CNTNAP2: variants seen among roughly 807,000 people sequenced by gnomAD.
The protein encoded by CNTNAP2 is contactin-associated protein-like 2.
A neutral mutation model predicts 155.2 loss-of-function variants in CNTNAP2; 98 were observed. The observed-to-expected ratio is 0.63, with a 90% CI of 0.54 to 0.75. The LOEUF is 0.75. CNTNAP2 is among the 30% of genes least tolerant of loss of function. The probability of loss-of-function intolerance (pLI) is 0.00; values close to 1 mark genes in which losing one functional copy is unlikely to be tolerated. For synonymous variants in CNTNAP2, 651 were observed against 631.2 expected (o/e 1.03, Z -0.47); for missense variants, 1,727 against 1,688.1 (o/e 1.02, Z -0.40).
chr7:147,120,470 AC>A (rs1249154375), intron 5 of CNTNAP2, among the ~76,000 whole-genome samples: 1 of 152,108 alleles, frequency 6.6e-6, no homozygotes, highest in Non-Finnish European at 1.5e-5. Flanking sequence ...TAACAAACCT[AC>A]CAAAATTTAG....
At position 147,189,108 on chromosome 7, in the gene CNTNAP2, C is replaced by A. The variant is rs1584781054; in HGVS notation, c.1348+56599C>A. 2.6e-5 allele frequency among the ~76,000 whole-genome samples: 4 copies of A among 152,024 alleles called. No individual in the cohort carries two copies. The South Asian group carries it at 6.2e-4, about 24-fold the overall frequency. On this transcript the variant is annotated intron_variant, in intron 8 of 23. Coordinates refer to ENST00000361727, the MANE Select transcript of CNTNAP2 (RefSeq NM_014141.6). The stretch of plus-strand genomic sequence containing the variant: ...CTTTTTTCCTTTTATTTATTAAATT[C>A]TTTTACTATTACATGTTATTTTCCA...
In CNTNAP2 at chr7:147,785,464, G is replaced by A. The variant is rs576835487; in HGVS notation, c.2099-118101G>A. On this transcript the variant is annotated intron_variant, in intron 13 of 23. Coordinates refer to ENST00000361727, the MANE Select transcript of CNTNAP2 (RefSeq NM_014141.6). ...TTACTATTTGGTAGAATAATAGGTG[G>A]GAAAGCCAGAACAAAGTAGGTTGAA... is the stretch of plus-strand genomic sequence containing the variant. Among the ~76,000 whole-genome samples, 3 of 152,120 alleles carry A rather than the reference G, an allele frequency of 2.0e-5. No individual in the cohort carries two copies. In the East Asian group the frequency reaches 5.8e-4, roughly 29 times the overall value.
At chr7:146,975,242 A>T (rs1797886766) in intron 3 of CNTNAP2, among the ~76,000 whole-genome samples, 1 of 152,056 alleles carries the variant, frequency 6.6e-6, no homozygotes, top group African/African-American at 2.4e-5. Context: ...AGGTGGATGG[A>T]TCACCTGAAG....
At chr7:146,222,210 T>C (rs1414377556) in intron 1 of CNTNAP2, among the ~76,000 whole-genome samples, 1 of 152,156 alleles carries the variant, frequency 6.6e-6, no homozygotes, top group African/African-American at 2.4e-5. Context: ...CCTCTGGGGA[T>C]ACAATACAGG....
chr7:146,791,437 A>G (rs866567142), intron 2 of CNTNAP2, among the ~76,000 whole-genome samples: 1 of 152,174 alleles, frequency 6.6e-6, no homozygotes, highest in African/African-American at 2.4e-5. Context: ...ATGATTTATA[A>G]TCCTTTGGGT....
chr7:146,811,977 A>T (rs1010720923), intron 2 of CNTNAP2, among the ~76,000 whole-genome samples: 3 of 152,106 alleles, frequency 2.0e-5, no homozygotes, highest in Admixed American at 6.6e-5. Flanking sequence ...AGGCAATTAA[A>T]CCTCTTTCCT....
At chr7:146,396,042 G>A (rs1349823983) in intron 1 of CNTNAP2, among the ~76,000 whole-genome samples, 1 of 152,024 alleles carries the variant, frequency 6.6e-6, no homozygotes, top group African/African-American at 2.4e-5. Flanking sequence ...CAGCATAAAT[G>A]CTCAATATCT....
At chr7:147,968,262 A>G (rs1801260279) in intron 14 of CNTNAP2, among the ~76,000 whole-genome samples, 1 of 152,230 alleles carries the variant, frequency 6.6e-6, no homozygotes, top group Non-Finnish European at 1.5e-5. Flanking sequence ...GAGAAGTCTA[A>G]ATTGAACAGA....
At chr7:146,736,479 T>C (rs566194588) in intron 1 of CNTNAP2, among the ~76,000 whole-genome samples, 2 of 152,284 alleles carry the variant, frequency 1.3e-5, no homozygotes, top group South Asian at 4.1e-4. Context: ...TACCTGAACA[T>C]TGAAAACCTA....
chr7:146,974,339 G>A (rs1797863779), intron 3 of CNTNAP2, among the ~76,000 whole-genome samples: 1 of 152,042 alleles, frequency 6.6e-6, no homozygotes, highest in African/African-American at 2.4e-5. Flanking sequence ...TCAGGAGGCT[G>A]AGGCAGGAGA....
In CNTNAP2 at chr7:147,047,797, C is replaced by A. The variant is rs982302150; in HGVS notation, c.550+3743C>A. On this transcript the variant is annotated intron_variant, in intron 4 of 23. Coordinates refer to ENST00000361727, the MANE Select transcript of CNTNAP2 (RefSeq NM_014141.6). ...ATTACAAGACAAGAAGGAAAAATAA[C>A]TGAAGCAAATCAGGAAGCGAGACTT... is the stretch of plus-strand genomic sequence containing the variant. 2.0e-5 allele frequency among the ~76,000 whole-genome samples: 3 copies of A among 152,238 alleles called. 1 individual carries two copies. The highest frequency in any genetic ancestry group is 2.0e-4 in the Admixed American group (3 of 15,292).
At chr7:146,908,424 A>G (rs1796194021) in intron 3 of CNTNAP2, among the ~76,000 whole-genome samples, 1 of 146,160 alleles carries the variant, frequency 6.8e-6, no homozygotes, top group African/African-American at 2.5e-5. Flanking sequence ...CAGCAAATGT[A>G]AAAGAACAGA....
chr7:148,365,580 A>C lies in CNTNAP2; in HGVS notation c.3476-18069A>C, dbSNP rs139766280. ...CTTAGGAGGCTGCAACAGGAGAATC[A>C]CTTGAACCTGGGAGGCAGAGGTTGC... On this transcript the variant is annotated intron_variant, in intron 21 of 23. Coordinates refer to ENST00000361727, the MANE Select transcript of CNTNAP2 (RefSeq NM_014141.6). 6.7e-3 allele frequency among the ~76,000 whole-genome samples: 1,026 copies of C among 152,190 alleles called. 4 individuals carry two copies. The highest frequency in any genetic ancestry group is 0.02 in the Middle Eastern group (6 of 294).
chr7:146,666,073 T>C (rs1204301879), intron 1 of CNTNAP2, among the ~76,000 whole-genome samples: 1 of 152,062 alleles, frequency 6.6e-6, no homozygotes, highest in Non-Finnish European at 1.5e-5. Flanking sequence ...TAAAGTGGTA[T>C]AGAACACTAG....
chr7:148,201,183 G>C (rs1795364116), intron 18 of CNTNAP2, among the ~76,000 whole-genome samples: 3 of 152,138 alleles, frequency 2.0e-5, no homozygotes, highest in African/African-American at 7.2e-5. Context: ...ATTTGGAAAG[G>C]GTGTGTTTGG....
chr7:146,294,598 C>T (rs1340273679), intron 1 of CNTNAP2, among the ~76,000 whole-genome samples: 1 of 152,180 alleles, frequency 6.6e-6, no homozygotes, highest in Non-Finnish European at 1.5e-5. Context: ...GAGATAATTA[C>T]TTTCACTTAC....
chr7:147,752,384 T>A (rs1797149284), intron 13 of CNTNAP2, among the ~76,000 whole-genome samples: 1 of 152,080 alleles, frequency 6.6e-6, no homozygotes, highest in Non-Finnish European at 1.5e-5. Context: ...AGCACTCCCA[T>A]TAGAAGCTGT....
intron 10 of CNTNAP2, among the ~76,000 whole-genome samples, chr7:147,415,102 T>C (rs1053655575): frequency 6.6e-6 from 1 of 151,874 alleles, no homozygotes; most frequent in Non-Finnish European, 1.5e-5. Flanking sequence ...TACAGAATAA[T>C]CCCTAAAGCC....
chr7:146,725,796 C>T (rs1801421557), intron 1 of CNTNAP2, among the ~76,000 whole-genome samples: 1 of 152,094 alleles, frequency 6.6e-6, no homozygotes. Context: ...TGGGATTGCA[C>T]CCCCAACCAA....
Sources: gnomAD v4.1 joint callset for allele counts (sites outside exome capture counted in the v4.1 genomes callset) on GRCh38, gnomAD v4.1.1 for gene constraint, MANE v1.5 for transcripts, NCBI Gene and HGNC (gene_info 2026-07-23, HGNC 2026-07-21) for gene names.